KLF8: variants seen among roughly 807,000 people sequenced by gnomAD.
KLF8 encodes the protein KLF transcription factor 8, also known as Krueppel-like factor 8.
A neutral mutation model predicts 18.2 loss-of-function variants in KLF8; 10 were observed. The ratio of observed to expected loss-of-function variants is 0.55; its 90% CI spans 0.34 to 0.93. KLF8 has a LOEUF of 0.93. Among genes scored for constraint, KLF8 ranks in the 40% least tolerant of loss-of-function variants. The pLI is 0.02. For missense variants in KLF8, 264 were observed against 277.9 expected (o/e 0.95, Z 0.36); for synonymous variants, 109 against 97.3 (o/e 1.12, Z -0.71).
At chrX:56,072,678 C>T in the KLF8 span, among the ~76,000 whole-genome samples, 1 of 112,158 alleles carries the variant, frequency 8.9e-6, no homozygotes, top group Non-Finnish European at 1.9e-5. Context: ...AACATTCATT[C>T]TGTAAAAAAT....
chrX:56,227,770 A>G (rs1000303939), upstream of KLF8, among the ~76,000 whole-genome samples: 13 of 109,901 alleles, frequency 1.2e-4, no homozygotes, highest in African/African-American at 4.3e-4. Flanking sequence ...TTGATTGTTG[A>G]TTATAAAGTC....
chrX:56,158,872 A>C, the KLF8 span, among the ~76,000 whole-genome samples: 20 of 111,267 alleles, frequency 1.8e-4, no homozygotes, highest in Admixed American at 4.8e-4. Flanking sequence ...ATTGAATACC[A>C]TTTATTTCCT....
At chrX:56,123,893 T>G in the KLF8 span, among the ~76,000 whole-genome samples, 1 of 111,829 alleles carries the variant, frequency 8.9e-6, no homozygotes, top group South Asian at 3.7e-4. Flanking sequence ...TTTTAAACCA[T>G]TATGATATAC....
At chrX:55,982,286 TCTTA>T in the KLF8 span, among the ~76,000 whole-genome samples, 6 of 111,800 alleles carry the variant, frequency 5.4e-5, no homozygotes, top group South Asian at 3.8e-4. Flanking sequence ...GGTTCTGGTG[TCTTA>T]CTTCTACAAC....
At chrX:55,948,064 A>G in the KLF8 span, among the ~76,000 whole-genome samples, 4 of 112,220 alleles carry the variant, frequency 3.6e-5, no homozygotes, top group East Asian at 5.6e-4. Context: ...GTTGGGAAGT[A>G]TAGCTCATAT....
the KLF8 span, among the ~76,000 whole-genome samples, chrX:56,156,597 A>T: frequency 1.8e-5 from 2 of 108,993 alleles, no homozygotes; most frequent in Non-Finnish European, 3.8e-5. Context: ...ATATACTTTA[A>T]GTTTTAGGGT....
the KLF8 span, among the ~76,000 whole-genome samples, chrX:56,149,789 A>G: frequency 9.0e-6 from 1 of 110,841 alleles, no homozygotes; most frequent in Non-Finnish European, 1.9e-5. Context: ...ATCTGGCAAT[A>G]GTGGGGCTCA....
chrX:55,941,703 A>G, the KLF8 span, among the ~76,000 whole-genome samples: 1 of 112,136 alleles, frequency 8.9e-6, no homozygotes, highest in Non-Finnish European at 1.9e-5. Flanking sequence ...AAAAGTGGGC[A>G]AAGGATATGA....
the KLF8 span, among the ~76,000 whole-genome samples, chrX:55,957,622 A>T: frequency 9.0e-6 from 1 of 111,655 alleles, no homozygotes; most frequent in Non-Finnish European, 1.9e-5. Context: ...GGTTAGGTTT[A>T]TCCTTAAGTA....
the KLF8 span, among the ~76,000 whole-genome samples, chrX:56,082,261 T>C: frequency 8.9e-6 from 1 of 111,934 alleles, no homozygotes; most frequent in Non-Finnish European, 1.9e-5. Context: ...TATTATCCAC[T>C]TATAAATAAC....
At chrX:55,956,644 C>A in the KLF8 span, among the ~76,000 whole-genome samples, 1 of 111,645 alleles carries the variant, frequency 9.0e-6, no homozygotes, top group African/African-American at 3.3e-5. Context: ...TAATTTGAAT[C>A]TCTCTGATGA....
At chrX:56,175,186 G>A in the KLF8 span, among the ~76,000 whole-genome samples, 7 of 111,609 alleles carry the variant, frequency 6.3e-5, no homozygotes, top group Admixed American at 2.9e-4. Context: ...TAACTGTGAT[G>A]TTAGGGTGTC....
the KLF8 span, among the ~76,000 whole-genome samples, chrX:56,107,107 A>AC: frequency 9.1e-6 from 1 of 109,774 alleles, no homozygotes; most frequent in African/African-American, 3.3e-5. Context: ...CCAGAGGGGC[A>AC]CCCCCCTCTA....
the KLF8 span, among the ~76,000 whole-genome samples, chrX:56,129,349 C>A: frequency 8.9e-6 from 1 of 111,858 alleles, no homozygotes; most frequent in Non-Finnish European, 1.9e-5. Context: ...ACTGTGAGTG[C>A]CTAAACTGGG....
At chrX:56,210,454 C>T in the KLF8 span, among the ~76,000 whole-genome samples, 1 of 111,601 alleles carries the variant, frequency 9.0e-6, no homozygotes, top group Non-Finnish European at 1.9e-5. Context: ...TACCTTGCTG[C>T]TTTTATGATT....
At chrX:56,133,864 A>G in the KLF8 span, among the ~76,000 whole-genome samples, 4 of 110,498 alleles carry the variant, frequency 3.6e-5, no homozygotes, top group East Asian at 2.8e-4. Context: ...TCTGCTATAC[A>G]CCAACAGTGA....
chrX:55,981,106 T>A, the KLF8 span, among the ~76,000 whole-genome samples: 1 of 112,050 alleles, frequency 8.9e-6, no homozygotes, highest in East Asian at 2.8e-4. Context: ...GGCAGGGGAA[T>A]GGCTTGAACC....
chrX:56,270,399 A>G (rs778000925), intron 5 of KLF8, 78 bp downstream of exon 5: 31 of 964,602 alleles, frequency 3.2e-5, no homozygotes, highest in Admixed American at 7.8e-5. Flanking sequence ...AGAGAGAGAG[A>G]GGGGCAGAGA....
At chrX:55,933,326 A>G in the KLF8 span, among the ~76,000 whole-genome samples, 1 of 112,119 alleles carries the variant, frequency 8.9e-6, no homozygotes, top group African/African-American at 3.2e-5. Context: ...TAGTCTTCTC[A>G]GAACAAACAA....
Sources: gnomAD v4.1 joint callset for allele counts (sites outside exome capture counted in the v4.1 genomes callset) on GRCh38, gnomAD v4.1.1 for gene constraint, MANE v1.5 for transcripts, NCBI Gene and HGNC (gene_info 2026-07-23, HGNC 2026-07-21) for gene names.